The following PHF3 variants were observed in gnomAD, a reference collection of about 807,000 sequenced individuals.
PHF3 encodes the protein PHD finger protein 3.
In PHF3, 41 loss-of-function variants were observed where a neutral mutation model predicts 178.4. The ratio of observed to expected loss-of-function variants is 0.23; its 90% CI spans 0.18 to 0.30. The LOEUF (loss-of-function observed/expected upper bound fraction) is 0.30, where lower values mean the gene tolerates loss of function less well. PHF3 is among the 10% of genes least tolerant of loss of function. PHF3 has a pLI of 1.00. For missense variants in PHF3, 2,346 were observed against 2,398.1 expected, an observed-to-expected ratio of 0.98 and a Z score of 0.45; for synonymous variants, 842 against 800.5, an observed-to-expected ratio of 1.05 and a Z score of -0.88.
chr6:63,687,253 G>A (rs1766753861), intron 4 of PHF3, among the ~76,000 whole-genome samples: 1 of 152,050 alleles, frequency 6.6e-6, no homozygotes, highest in African/African-American at 2.4e-5. Context: ...GTGAAACCCC[G>A]TCTCTACTAA....
chr6:63,725,017 T>C lies in PHF3; in HGVS notation c.*11309T>C, dbSNP rs924349192. On this transcript the variant is annotated 3_prime_UTR_variant, in exon 16 of 16. Coordinates refer to ENST00000262043, the MANE Select transcript of PHF3 (RefSeq NM_001370348.2). Reference sequence around the variant, plus strand: ...AAATGAGAGACTTCAAATAAACTTGTTATATCACTTGATTACTAAAAAATA... The same window carrying C: ...AAATGAGAGACTTCAAATAAACTTGCTATATCACTTGATTACTAAAAAATA... 5.9e-5 allele frequency among the ~76,000 whole-genome samples: 9 copies of C among 152,176 alleles called. No individual in the cohort carries two copies. Among genetic ancestry groups the C allele is most frequent in the Non-Finnish European group, 1.3e-4 (9 of 67,994 alleles).
At chr6:63,700,176 C>T (rs981401584) in intron 8 of PHF3, among the ~76,000 whole-genome samples, 174 bp from the exon 9 acceptor site, 3 of 152,056 alleles carry the variant, frequency 2.0e-5, no homozygotes, top group African/African-American at 7.2e-5. Context: ...GTTTTGCTGC[C>T]TTAAATTCCT....
At position 63,706,730 on chromosome 6, in the gene PHF3, C is replaced by T; in HGVS notation, c.3565C>T (p.Pro1189Ser). The change falls in exon 13 of 16, where the codon CCA becomes TCA. Residue 1189 changes from proline to serine, a missense_variant and splice_region_variant. Pro to Ser is a moderately conservative substitution (Grantham distance 74, BLOSUM62 -1). Around this residue, in one of 8 missense-constraint regions of PHF3, gnomAD observed 205 missense variants for 212.4 expected, o/e 0.97. Coordinates refer to ENST00000262043, the MANE Select transcript of PHF3 (RefSeq NM_001370348.2). ...AGGCTTTTTAATGTCATTTTCTAGT[C>T]CAGAGATGCCTGGAACTGTTGAAGT... ...PKSTFSPAPR[P>S]EMPGTVEVES... 6.2e-7 allele frequency: 1 copy of T among 1,613,114 alleles called. No homozygotes were observed. Among genetic ancestry groups the T allele is most frequent in the Non-Finnish European group, 8.5e-7 (1 of 1,179,480 alleles).
In PHF3 at chr6:63,718,347, C is replaced by G. The variant is rs1367827211; in HGVS notation, c.*4639C>G. On this transcript the variant is annotated 3_prime_UTR_variant, in exon 16 of 16. Transcript: ENST00000262043. ...TCTCAAACTTTTGTTTTCAAGACCCCTTACACTCTTAAAAATTGAGAATGT... is the reference window on the plus strand; with the variant it reads ...TCTCAAACTTTTGTTTTCAAGACCCGTTACACTCTTAAAAATTGAGAATGT... 6.6e-6 allele frequency among the ~76,000 whole-genome samples: 1 copy of G among 151,908 alleles called. No individual in the cohort carries two copies. Among genetic ancestry groups the G allele is most frequent in the East Asian group, 1.9e-4 (1 of 5,190 alleles).
intron 2 of PHF3, among the ~76,000 whole-genome samples, chr6:63,650,114 T>G (rs1454794095): frequency 6.6e-6 from 1 of 152,236 alleles, no homozygotes; most frequent in Middle Eastern, 3.2e-3. Flanking sequence ...AGTTGATATC[T>G]TTAGTTTTTA....
At position 63,710,818 on chromosome 6, in the gene PHF3, T is replaced by G. The variant is rs1241411262; in HGVS notation, c.3802-349T>G. On this transcript the variant is annotated intron_variant, in intron 14 of 15. Coordinates refer to ENST00000262043, the MANE Select transcript of PHF3 (RefSeq NM_001370348.2). Reference sequence around the variant, plus strand: ...TTTGTGGAGGTTACAGCATTGGAAATCAGGATATAGTGTAGATATTAGAAG... The same window carrying G: ...TTTGTGGAGGTTACAGCATTGGAAAGCAGGATATAGTGTAGATATTAGAAG... Among the ~76,000 whole-genome samples, 2 of 152,122 alleles carry G rather than the reference T, an allele frequency of 1.3e-5. 1 individual carries two copies. The highest frequency in any genetic ancestry group is 4.8e-5 in the African/African-American group (2 of 41,446).
In PHF3 at chr6:63,713,477, G is replaced by A. The variant is rs758261020; in HGVS notation, c.5889G>A (p.Glu1963=). 10 of 1,613,674 alleles carry A rather than the reference G, an allele frequency of 6.2e-6. No homozygotes were observed. The highest frequency in any genetic ancestry group is 2.7e-5 in the African/African-American group (2 of 74,864). Residue 1963 remains glutamate (E), a synonymous_variant, in exon 16 of 16, where the codon GAG becomes GAA. Coordinates refer to ENST00000262043, the MANE Select transcript of PHF3 (RefSeq NM_001370348.2). ...AGGACAGAGACAGAAAAAGCAGGGA[G>A]GAAGGGCACAAAGATAAAGAGAGGG... ...QDKDRDRKSR[E]EGHKDKERAR... is the part of the protein sequence containing the mutation.
chr6:63,724,150 CAAGAA>C lies in PHF3; in HGVS notation c.*10444_*10448del, dbSNP rs1481660561. Among the ~76,000 whole-genome samples the C allele has an allele frequency of 6.6e-6, 1 of 152,128 alleles. No homozygotes were observed. Among genetic ancestry groups the C allele is most frequent in the Admixed American group, 6.6e-5 (1 of 15,264 alleles). ...AAGAAAATGTAATGAACAGTCCTTA[CAAGAA>C]ACAGAGCTCAAATAGGATAAAGATC... On this transcript the variant is annotated 3_prime_UTR_variant, in exon 16 of 16. Transcript: ENST00000262043.
intron 1 of PHF3, among the ~76,000 whole-genome samples, chr6:63,641,694 A>G (rs1764585360): frequency 6.6e-6 from 1 of 151,620 alleles, no homozygotes. Context: ...CTGGAGTGCA[A>G]TGGTGTGATC....
intron 8 of PHF3, among the ~76,000 whole-genome samples, chr6:63,699,532 G>C (rs1409355705): frequency 2.0e-5 from 3 of 152,114 alleles, no homozygotes; most frequent in African/African-American, 7.2e-5. Context: ...GATGCTTCTG[G>C]AATTACATAA....
At chr6:63,641,528 A>ATGTGTGTGTGTG (rs201250434) in intron 1 of PHF3, among the ~76,000 whole-genome samples, 3 of 140,570 alleles carry the variant, frequency 2.1e-5, no homozygotes, top group African/African-American at 7.8e-5. Context: ...TTAGGTGTGT[A>ATGTGTGTGTGTG]TGTGTGTGTG....
rs747368989 is a variant in PHF3 at position 63,712,664 on chromosome 6, A to G, written c.5076A>G (p.Thr1692=). 11 of 1,613,854 alleles carry G rather than the reference A, an allele frequency of 6.8e-6. No homozygotes were observed. In the Admixed American group the frequency reaches 1.3e-4, roughly 20 times the overall value. Residue 1692 remains threonine, a synonymous_variant, in exon 16 of 16, where the codon ACA becomes ACG. Transcript: ENST00000262043. The part of the protein sequence containing the change: ...PGLSHNKEHL[T]EQINVEEKLC... ...TGTCACACAACAAGGAGCACTTAAC[A>G]GAACAAATCAATGTAGAGGAAAAGT...
Position 63,640,882 on chromosome 6 carries a change from C to T in PHF3, c.-26+4732C>T, listed in dbSNP as rs1014653296. 2.0e-5 allele frequency among the ~76,000 whole-genome samples: 3 copies of T among 152,088 alleles called. No individual in the cohort carries two copies. In the South Asian group the frequency reaches 6.2e-4, roughly 32 times the overall value. On this transcript the variant is annotated intron_variant, in intron 1 of 15. Transcript: ENST00000262043. ...GTGTGTGTGTGGGGCTGTCCTAGTGCATTATAGTATGTTTACTAGATGCAA... is the reference window on the plus strand; with the variant it reads ...GTGTGTGTGTGGGGCTGTCCTAGTGTATTATAGTATGTTTACTAGATGCAA...
At chr6:63,657,248 T>G (rs568394340) in intron 2 of PHF3, among the ~76,000 whole-genome samples, 2 of 152,362 alleles carry the variant, frequency 1.3e-5, no homozygotes, top group South Asian at 4.1e-4. Flanking sequence ...GTATTCTCTT[T>G]ATTCCATGTT....
At position 63,716,356 on chromosome 6, in the gene PHF3, CCT is replaced by C. The variant is rs1768190193; in HGVS notation, c.*2651_*2652del. Among the ~76,000 whole-genome samples the C allele has an allele frequency of 6.6e-6, 1 of 152,096 alleles. No individual in the cohort carries two copies. Among genetic ancestry groups the C allele is most frequent in the South Asian group, 2.1e-4 (1 of 4,826 alleles). ...GATGATCATATATACCTTTCATAGC[CCT>C]CTTTCTTTGCGTTCCACTGAACTGT... On this transcript the variant is annotated 3_prime_UTR_variant, in exon 16 of 16. Coordinates refer to ENST00000262043, the MANE Select transcript of PHF3 (RefSeq NM_001370348.2).
At position 63,694,590 on chromosome 6, in the gene PHF3, G is replaced by A; in HGVS notation, c.2506G>A (p.Glu836Lys). 1 of 1,506,254 alleles carries A rather than the reference G, an allele frequency of 6.6e-7. No individual in the cohort carries two copies. The highest frequency in any genetic ancestry group is 1.4e-5 in the South Asian group (1 of 72,496). The allele number at this position is 1,506,254 out of a possible 1,614,324, so 93.3% of individuals were successfully genotyped here. The change falls in exon 6 of 16, where the codon GAA (glutamate) becomes AAA (lysine). Residue 836 changes from glutamate to lysine, a missense_variant. By Grantham distance (56) the Glu-to-Lys change is moderately conservative. Coordinates refer to ENST00000262043, the MANE Select transcript of PHF3 (RefSeq NM_001370348.2). The part of the protein sequence containing the change: ...KVKILKRESG[E>K]GRNSSDCRDN... ...AGTACTCATTTTCCAGGAGTCTGGT[G>A]AAGGCAGAAATTCATCAGACTGTAG... is the stretch of plus-strand genomic sequence containing the variant.
Position 63,715,971 on chromosome 6 carries a change from A to T in PHF3, c.*2263A>T, listed in dbSNP as rs895705771. ...ACCTGCTCTTTAAAAAAAGTTTTAC[A>T]CTTAAAAAAACTTAGAATCATCTTA... On this transcript the variant is annotated 3_prime_UTR_variant, in exon 16 of 16. Transcript: ENST00000262043. Among the ~76,000 whole-genome samples the T allele has an allele frequency of 6.6e-6, 1 of 152,106 alleles. No homozygotes were observed. The highest frequency in any genetic ancestry group is 1.5e-5 in the Non-Finnish European group (1 of 68,016).
intron 9 of PHF3, among the ~76,000 whole-genome samples, chr6:63,701,976 T>C (rs1767496185): frequency 6.6e-6 from 1 of 152,216 alleles, no homozygotes; most frequent in Non-Finnish European, 1.5e-5. Context: ...CTACTTGTTA[T>C]ACTTGCTTAA....
At chr6:63,695,105 A>G (rs1484183826) in intron 6 of PHF3, among the ~76,000 whole-genome samples, 2 of 152,184 alleles carry the variant, frequency 1.3e-5, no homozygotes, top group African/African-American at 4.8e-5. Flanking sequence ...ACAGGTGGGA[A>G]GAGTAATGGG....
Sources: gnomAD v4.1 joint callset for allele counts (sites outside exome capture counted in the v4.1 genomes callset) on GRCh38, gnomAD v4.1.1 for gene constraint, gnomAD v4.1.1 regional missense constraint, MANE v1.5 for transcripts, NCBI Gene and HGNC (gene_info 2026-07-23, HGNC 2026-07-21) for gene names.